The following TRHDE variants were observed in gnomAD, a reference collection of about 807,000 sequenced individuals.
The protein encoded by TRHDE is thyrotropin-releasing hormone-degrading ectoenzyme.
TRHDE carries 72 observed loss-of-function variants against 125.7 expected under a neutral mutation model. The ratio of observed to expected loss-of-function variants is 0.57; its 90% CI spans 0.47 to 0.70. The LOEUF is 0.70. Among genes scored for constraint, TRHDE ranks in the 30% least tolerant of loss-of-function variants. TRHDE has a pLI of 0.00. For synonymous variants in TRHDE, 509 were observed against 509.1 expected (o/e 1.00, Z 0.00); for missense variants, 1,110 against 1,327.1 (o/e 0.84, Z 2.54).
chr12:72,510,187 C>T (rs1357674720), intron 6 of TRHDE, among the ~76,000 whole-genome samples: 1 of 152,110 alleles, frequency 6.6e-6, no homozygotes, highest in Non-Finnish European at 1.5e-5. Context: ...TAAACAGGTC[C>T]TTCTTAGACT....
intron 15 of TRHDE, among the ~76,000 whole-genome samples, chr12:72,631,099 T>C (rs1259978360): frequency 6.6e-6 from 1 of 151,474 alleles, no homozygotes; most frequent in East Asian, 1.9e-4. Context: ...AATTTTCATA[T>C]ATAAATATTA....
chr12:72,526,684 A>T (rs1380520001), intron 6 of TRHDE, among the ~76,000 whole-genome samples: 1 of 152,120 alleles, frequency 6.6e-6, no homozygotes, highest in Non-Finnish European at 1.5e-5. Context: ...TTCATTAAGG[A>T]TATACTTGGT....
At chr12:72,402,836 A>G (rs1203492751) in intron 3 of TRHDE, among the ~76,000 whole-genome samples, 5 of 152,214 alleles carry the variant, frequency 3.3e-5, no homozygotes, top group Admixed American at 3.3e-4. Context: ...TAAGTAGTCC[A>G]TGTTGGAGAG....
intron 6 of TRHDE, among the ~76,000 whole-genome samples, chr12:72,517,813 T>C (rs1878957685): frequency 6.6e-6 from 1 of 151,764 alleles, no homozygotes; most frequent in Non-Finnish European, 1.5e-5. Context: ...CACACTGCTT[T>C]GAATGCGTCC....
intron 2 of TRHDE, chr12:72,147,656 A>C (rs1351683551): frequency 6.6e-6 from 1 of 152,212 alleles, no homozygotes; most frequent in Non-Finnish European, 1.5e-5. Flanking sequence ...GAAAACAATA[A>C]ATAAAACTTC....
chr12:72,235,565 G>A (rs778520409), intron 2 of TRHDE, among the ~76,000 whole-genome samples: 1 of 152,150 alleles, frequency 6.6e-6, no homozygotes, highest in Admixed American at 6.6e-5. Flanking sequence ...TAATTTTCTT[G>A]TTCACAGGTC....
chr12:72,631,063 A>T (rs192180150), intron 15 of TRHDE, among the ~76,000 whole-genome samples: 1 of 151,014 alleles, frequency 6.6e-6, no homozygotes, highest in Non-Finnish European at 1.5e-5. Flanking sequence ...ACCTTATTTT[A>T]TCCTATTTAA....
chr12:72,546,895 C>T (rs1467036070), intron 7 of TRHDE, among the ~76,000 whole-genome samples: 2 of 151,684 alleles, frequency 1.3e-5, no homozygotes, highest in Admixed American at 1.3e-4. Context: ...CTGCTCTCTG[C>T]TATCTGAGCA....
chr12:72,362,938 A>G (rs1230845852), intron 2 of TRHDE, among the ~76,000 whole-genome samples: 1 of 152,052 alleles, frequency 6.6e-6, no homozygotes, highest in East Asian at 1.9e-4. Flanking sequence ...CTGTTTTGGT[A>G]CCAGTACCAT....
chr12:72,301,135 A>G (rs1415324088), intron 2 of TRHDE, among the ~76,000 whole-genome samples: 1 of 151,846 alleles, frequency 6.6e-6, no homozygotes, highest in Admixed American at 6.6e-5. Flanking sequence ...ATTTTTTTTT[A>G]TTACCTGTGT....
At chr12:72,473,816 G>A (rs1218826199) in intron 5 of TRHDE, among the ~76,000 whole-genome samples, 2 of 151,966 alleles carry the variant, frequency 1.3e-5, no homozygotes, top group Non-Finnish European at 2.9e-5. Context: ...TTTTATATAA[G>A]CTTTCACTGA....
At chr12:72,220,921 A>G (rs1322649007) in intron 2 of TRHDE, among the ~76,000 whole-genome samples, 1 of 152,130 alleles carries the variant, frequency 6.6e-6, no homozygotes, top group Non-Finnish European at 1.5e-5. Context: ...CTTTAAATAA[A>G]TATAACAACT....
At chr12:72,442,066 G>C (rs1367148373) in intron 3 of TRHDE, among the ~76,000 whole-genome samples, 2 of 151,832 alleles carry the variant, frequency 1.3e-5, no homozygotes, top group Non-Finnish European at 2.9e-5. Context: ...ACCTTGTAAA[G>C]AGAGGATAGT....
rs957008872 is a variant in TRHDE at position 72,310,846 on chromosome 12, G to C, written c.1188+23892G>C. On this transcript the variant is annotated intron_variant, in intron 2 of 18. Coordinates refer to ENST00000261180, the MANE Select transcript of TRHDE (RefSeq NM_013381.3). ...CCGACCTCTAATGGTATTGAATCAA[G>C]AATTTATTCATGTATAGAATGTCAC... Among the ~76,000 whole-genome samples the C allele has an allele frequency of 4.7e-4, 72 of 151,950 alleles. 1 individual carries two copies. Among genetic ancestry groups the C allele is most frequent in the Non-Finnish European group, 1.3e-4 (9 of 67,992 alleles).
intron 6 of TRHDE, among the ~76,000 whole-genome samples, chr12:72,526,237 A>C (rs183951434): frequency 1.3e-3 from 192 of 152,196 alleles, no homozygotes; most frequent in African/African-American, 3.7e-3. Context: ...GTCCATTCTG[A>C]ACAGTTTCAG....
chr12:72,596,145 C>T (rs892870557), intron 12 of TRHDE, among the ~76,000 whole-genome samples: 6 of 152,032 alleles, frequency 3.9e-5, no homozygotes, highest in African/African-American at 1.4e-4. Flanking sequence ...TAAGAAATAT[C>T]ATTGTAATCC....
At chr12:72,535,502 G>A (rs1868809536) in intron 6 of TRHDE, among the ~76,000 whole-genome samples, 1 of 151,826 alleles carries the variant, frequency 6.6e-6, no homozygotes, top group Non-Finnish European at 1.5e-5. Flanking sequence ...TGAAGCAATG[G>A]GGCATTAATT....
intron 18 of TRHDE, among the ~76,000 whole-genome samples, chr12:72,659,990 G>T (rs1305228039): frequency 1.3e-5 from 2 of 151,978 alleles, no homozygotes; most frequent in East Asian, 3.9e-4. Context: ...ACCGGTGGTG[G>T]CCCCAAATGG....
At chr12:72,477,385 A>C (rs1876948764) in intron 5 of TRHDE, among the ~76,000 whole-genome samples, 1 of 152,182 alleles carries the variant, frequency 6.6e-6, no homozygotes, top group Non-Finnish European at 1.5e-5. Flanking sequence ...CTATACTGGC[A>C]ATGTGGACTA....
Sources: allele counts gnomAD v4.1 joint callset (sites outside exome capture counted in the v4.1 genomes callset), GRCh38; gene constraint gnomAD v4.1.1; transcripts MANE v1.5; gene names NCBI Gene and HGNC (gene_info 2026-07-23, HGNC 2026-07-21).